The following MMADHC variants were observed in gnomAD, a reference collection of about 807,000 sequenced individuals.
MMADHC encodes the protein cobalamin trafficking protein CblD.
MMADHC carries 23 observed loss-of-function variants against 36.3 expected under a neutral mutation model. That is an observed-to-expected ratio of 0.63 (90% confidence interval 0.46 to 0.90). The LOEUF (loss-of-function observed/expected upper bound fraction) is 0.90, where lower values mean the gene tolerates loss of function less well. Among genes scored for constraint, MMADHC ranks in the 40% least tolerant of loss-of-function variants. MMADHC has a pLI of 0.00. For synonymous variants in MMADHC, 97 were observed against 116.1 expected (o/e 0.84, Z 1.06); for missense variants, 330 against 348.0 (o/e 0.95, Z 0.41).
chr2:149,570,195 C>CA, intron 7 of MMADHC, 27 bp from the exon 8 acceptor site: 1 of 1,561,856 alleles, frequency 6.4e-7, no homozygotes, highest in African/African-American at 1.4e-5. Flanking sequence ...GAAATATTCT[C>CA]ATTAGTAAGA....
rs770981127 is a variant in MMADHC at position 149,571,142 on chromosome 2, A to G, written c.639T>C (p.Tyr213=). 26 of 1,612,048 alleles carry G rather than the reference A, an allele frequency of 1.6e-5. No homozygotes were observed. The highest frequency in any genetic ancestry group is 2.1e-5 in the Non-Finnish European group (25 of 1,178,742). The part of the protein sequence containing the change: ...KFINGAKEIC[Y]ALRAEGYWAD... ...CCCAATAACCCTCAGCTCGAAGAGC[A>G]TAGCAAATTTCCTTAGCACCATTGA... Residue 213 remains tyrosine (Y), a synonymous_variant, in exon 7 of 8, where the codon TAT becomes TAC. Transcript: ENST00000303319.
chr2:149,573,427 G>C (rs753362165), intron 6 of MMADHC, among the ~76,000 whole-genome samples: 1 of 152,126 alleles, frequency 6.6e-6, no homozygotes, highest in South Asian at 2.1e-4. Flanking sequence ...GCCCTTTGCC[G>C]CCTATAAAGC....
At chr2:149,583,385 G>T (rs1682821202) in intron 2 of MMADHC, among the ~76,000 whole-genome samples, 1 of 152,126 alleles carries the variant, frequency 6.6e-6, no homozygotes, top group African/African-American at 2.4e-5. Context: ...CAAATTCAGT[G>T]AGGGTAGGTA....
At chr2:149,571,729 G>A (rs957848427) in intron 6 of MMADHC, among the ~76,000 whole-genome samples, 8 of 149,438 alleles carry the variant, frequency 5.4e-5, no homozygotes, top group African/African-American at 2.0e-4. Context: ...GCAGTGAGCC[G>A]AGATCGCGCC....
chr2:149,577,940 C>G (rs999256947), intron 4 of MMADHC, among the ~76,000 whole-genome samples: 1 of 152,096 alleles, frequency 6.6e-6, no homozygotes, highest in African/African-American at 2.4e-5. Context: ...ATCACTTAAA[C>G]TAGGGAGTTG....
Position 149,570,030 on chromosome 2 carries a change from T to C in MMADHC, c.835A>G (p.Ile279Val), listed in dbSNP as rs369492791. 16 of 1,613,674 alleles carry C rather than the reference T, an allele frequency of 9.9e-6. No individual in the cohort carries two copies. Among genetic ancestry groups the C allele is most frequent in the Non-Finnish European group, 1.3e-5 (15 of 1,179,782 alleles). Reference sequence around the variant, plus strand: ...CTGTCTGGTGTTGCATTAGTGAAGATACTCCCTACAACTACATGGGTACCC... The same window carrying C: ...CTGTCTGGTGTTGCATTAGTGAAGACACTCCCTACAACTACATGGGTACCC... ...LWGTHVVVGS[I>V]FTNATPDSHI... Residue 279 changes from isoleucine (I) to valine (V), a missense_variant, in exon 8 of 8, where the codon ATC (isoleucine) becomes GTC (valine). By Grantham distance (29) the Ile-to-Val change is conservative (BLOSUM62 3). Coordinates refer to ENST00000303319, the MANE Select transcript of MMADHC (RefSeq NM_015702.3).
rs1682768961 is a variant in MMADHC at position 149,579,707 on chromosome 2, T to C, written c.155-59A>G. 3 of 1,330,968 alleles carry C rather than the reference T, an allele frequency of 2.3e-6. No homozygotes were observed. The Admixed American group carries it at 6.0e-5, about 27-fold the overall frequency. 82.4% of individuals were successfully genotyped at this position (1,330,968 alleles called of 1,614,324 possible). On this transcript the variant is annotated intron_variant, in intron 3 of 7. Coordinates refer to ENST00000303319, the MANE Select transcript of MMADHC (RefSeq NM_015702.3). ...TTAATAGTCAAGTATATTGGTAGAC[T>C]GAAAGAATGCTCTTCTTAAAATTAT...
chr2:149,576,143 GTAT>G (rs2105045821), intron 5 of MMADHC, among the ~76,000 whole-genome samples: 1 of 152,106 alleles, frequency 6.6e-6, no homozygotes, highest in East Asian at 1.9e-4. Flanking sequence ...AGATTTTTCC[GTAT>G]TATATTAACT....
chr2:149,577,803 A>G (rs763099108), intron 4 of MMADHC, among the ~76,000 whole-genome samples: 4 of 152,178 alleles, frequency 2.6e-5, no homozygotes, highest in Non-Finnish European at 4.4e-5. Context: ...CCAGATCACA[A>G]GGTCAGGTGA....
In MMADHC at chr2:149,579,454, C is replaced by T; in HGVS notation, c.349G>A (p.Ala117Thr). ...LSSERHEFVM[A>T]QYVNEFQGND... ...ACCTGAAATTCATTCACATATTGTG[C>T]CATCACAAACTCATGTCTTTCACTT... is the stretch of plus-strand genomic sequence containing the variant. Residue 117 changes from alanine (A) to threonine (T), a missense_variant, in exon 4 of 8, where the codon GCA becomes ACA. Coordinates refer to ENST00000303319, the MANE Select transcript of MMADHC (RefSeq NM_015702.3). 1 of 1,611,914 alleles carries T rather than the reference C, an allele frequency of 6.2e-7. No homozygotes were observed. The highest frequency in any genetic ancestry group is 8.5e-7 in the Non-Finnish European group (1 of 1,179,760).
At chr2:149,585,856 T>C (rs1682862313) in intron 2 of MMADHC, among the ~76,000 whole-genome samples, 3 of 152,034 alleles carry the variant, frequency 2.0e-5, no homozygotes, top group South Asian at 4.1e-4. Context: ...AATATGAACT[T>C]CTTTCTAACA....
Position 149,569,696 on chromosome 2 carries a change from C to T in MMADHC, c.*278G>A. 4.1e-6 allele frequency: 1 copy of T among 245,652 alleles called. No homozygotes were observed. The highest frequency in any genetic ancestry group is 2.2e-5 in the African/African-American group (1 of 44,688). 15.2% of individuals were successfully genotyped at this position (245,652 alleles called of 1,614,324 possible). A position where few individuals can be genotyped will look rare whatever the true frequency, so the allele number is the denominator to read the frequency against. On this transcript the variant is annotated 3_prime_UTR_variant, in exon 8 of 8. Transcript: ENST00000303319. ...AATAATTAAAACTGAGGCCTTTTTCCAATAAAGAGGAGAAATAACAATAGC... is the reference window on the plus strand; with the variant it reads ...AATAATTAAAACTGAGGCCTTTTTCTAATAAAGAGGAGAAATAACAATAGC...
chr2:149,584,999 G>A (rs921434877), intron 2 of MMADHC, among the ~76,000 whole-genome samples: 5 of 147,690 alleles, frequency 3.4e-5, no homozygotes, highest in Non-Finnish European at 7.4e-5. Flanking sequence ...CAGAGATCCC[G>A]CCATTGCACT....
rs960952389 is a variant in MMADHC at position 149,587,752 on chromosome 2, A to C, written c.-141T>G. ...GGCGACGGCAGCGGTGGTAGCACCT[A>C]CGCTGGCGGTGAGCAGGCAAAGGAA... On this transcript the variant is annotated 5_prime_UTR_variant, in exon 1 of 8. Coordinates refer to ENST00000303319, the MANE Select transcript of MMADHC (RefSeq NM_015702.3). 1 of 152,936 alleles carries C rather than the reference A, an allele frequency of 6.5e-6. No individual in the cohort carries two copies. The highest frequency in any genetic ancestry group is 2.4e-5 in the African/African-American group (1 of 41,452). The allele number at this position is 152,936 out of a possible 1,614,324, so 9.5% of individuals were successfully genotyped here.
Position 149,571,114 on chromosome 2 carries a change from C to T in MMADHC, c.667G>A (p.Asp223Asn). 1 of 1,612,728 alleles carries T rather than the reference C, an allele frequency of 6.2e-7. No homozygotes were observed. Among genetic ancestry groups the T allele is most frequent in the Non-Finnish European group, 8.5e-7 (1 of 1,179,056 alleles). The change falls in exon 7 of 8, where the codon GAC becomes AAC. Residue 223 changes from aspartate to asparagine, a missense_variant. Transcript: ENST00000303319. ...YALRAEGYWADFIDPSSGLAF... is the reference protein window; with the variant it reads ...YALRAEGYWANFIDPSSGLAF... The stretch of plus-strand genomic sequence containing the variant: ...AAACCAGATGATGGGTCAATAAAGT[C>T]AGCCCAATAACCCTCAGCTCGAAGA...
chr2:149,570,978 G>A, intron 7 of MMADHC, 107 bp downstream of exon 7: 1 of 933,320 alleles, frequency 1.1e-6, no homozygotes, highest in Non-Finnish European at 1.7e-6. Context: ...GGGTAAAATT[G>A]TGAGATTTTT....
In MMADHC at chr2:149,582,082, T is replaced by G. The variant is rs750095124; in HGVS notation, c.154+45A>C. ...TATTAGAGGAAAATACAACTAAAAA[T>G]GTTTTGAAACAATTATAAGTAAAGC... is the stretch of plus-strand genomic sequence containing the variant. On this transcript the variant is annotated intron_variant, in intron 3 of 7. Transcript: ENST00000303319. 2.5e-6 allele frequency: 4 copies of G among 1,605,964 alleles called. No individual in the cohort carries two copies. In the Admixed American group the frequency reaches 6.7e-5, roughly 27 times the overall value.
rs371740443 is a variant in MMADHC, at chr2:149,582,271, C to T, written c.10G>A (p.Val4Met). 4 of 1,613,368 alleles carry T rather than the reference C, an allele frequency of 2.5e-6. No homozygotes were observed. The highest frequency in any genetic ancestry group is 2.5e-6 in the Non-Finnish European group (3 of 1,179,672). MANVLCNRARLVSY... is the reference protein window; with the variant it reads MANMLCNRARLVSY... The stretch of plus-strand genomic sequence containing the variant: ...ACCAGTCTGGCTCTGTTACAAAGCA[C>T]CTAGAAATGACACAAAATTAAAACT... Residue 4 changes from valine to methionine, a missense_variant and splice_region_variant, in exon 3 of 8, where the codon GTG becomes ATG. Coordinates refer to ENST00000303319, the MANE Select transcript of MMADHC (RefSeq NM_015702.3).
chr2:149,578,413 A>G (rs1032693987), intron 4 of MMADHC, among the ~76,000 whole-genome samples: 2 of 152,208 alleles, frequency 1.3e-5, no homozygotes, highest in African/African-American at 4.8e-5. Context: ...AAAAAAGATT[A>G]CTTCAGTATT....
Sources: gnomAD v4.1 joint callset for allele counts (sites outside exome capture counted in the v4.1 genomes callset) on GRCh38, gnomAD v4.1.1 for gene constraint, MANE v1.5 for transcripts, NCBI Gene and HGNC (gene_info 2026-07-23, HGNC 2026-07-21) for gene names.